Variants in SERPINB10 observed in about 807,000 individuals in gnomAD.
SERPINB10 encodes serpin family B member 10, also known as serpin B10.
A neutral mutation model predicts 39.1 loss-of-function variants in SERPINB10; 35 were observed. The observed-to-expected ratio is 0.90, with a 90% confidence interval of 0.68 to 1.19. The LOEUF (loss-of-function observed/expected upper bound fraction) is 1.19, where lower values mean the gene tolerates loss of function less well. Among genes scored for constraint, SERPINB10 ranks in the 50% most tolerant of loss-of-function variants. SERPINB10 has a pLI of 0.00. For synonymous variants in SERPINB10, 190 were observed against 158.1 expected (o/e 1.20, Z -1.52); for missense variants, 546 against 460.5 (o/e 1.19, Z -1.70).
At chr18:63,923,604 G>A (rs539415369) in intron 5 of SERPINB10, among the ~76,000 whole-genome samples, 36 of 151,712 alleles carry the variant, frequency 2.4e-4, no homozygotes, top group Middle Eastern at 3.4e-3. Flanking sequence ...TTCTAGGCAG[G>A]GGTCTTTTTA....
intron 1 of SERPINB10, among the ~76,000 whole-genome samples, chr18:63,911,957 G>GT (rs35542526): frequency 0.11 from 16,812 of 150,638 alleles, 2,179 homozygotes; most frequent in African/African-American, 0.3. Context: ...TTTTAGCAGT[G>GT]TTTTTTTTTA....
At position 63,933,206 on chromosome 18, in the gene SERPINB10, A is replaced by G; in HGVS notation, c.789+3A>G. The G allele has an allele frequency of 6.2e-7, 1 of 1,613,892 alleles. No individual in the cohort carries two copies. The highest frequency in any genetic ancestry group is 1.1e-5 in the South Asian group (1 of 91,060). On this transcript the variant is annotated splice_donor_region_variant and intron_variant, in intron 7 of 7. Coordinates refer to ENST00000238508, the MANE Select transcript of SERPINB10 (RefSeq NM_005024.3). ...AAGACATTAATGGGCTGGAACAGGTAAATAACATCAGTGTGTCTGATGTGA... is the reference window on the plus strand; with the variant it reads ...AAGACATTAATGGGCTGGAACAGGTGAATAACATCAGTGTGTCTGATGTGA...
chr18:63,933,148 G>A lies in SERPINB10; in HGVS notation c.734G>A (p.Ser245Asn). ...KAVGLQLYYK[S>N]RDLSLLILLP... is the part of the protein sequence containing the mutation. ...GTGGGCCTTCAACTCTACTACAAAA[G>A]CCGTGACCTCAGCCTGCTTATACTA... is the stretch of plus-strand genomic sequence containing the variant. The change falls in exon 7 of 8, where the codon AGC becomes AAC. Residue 245 changes from serine to asparagine, a missense_variant. Ser to Asn is a conservative substitution (Grantham distance 46, BLOSUM62 1). Coordinates refer to ENST00000238508, the MANE Select transcript of SERPINB10 (RefSeq NM_005024.3). 4 of 1,613,964 alleles carry A rather than the reference G, an allele frequency of 2.5e-6. No individual in the cohort carries two copies. Among genetic ancestry groups the A allele is most frequent in the Non-Finnish European group, 3.4e-6 (4 of 1,179,924 alleles).
chr18:63,919,151 T>C (rs8085490), intron 4 of SERPINB10, among the ~76,000 whole-genome samples: 56,261 of 151,374 alleles, frequency 0.37, 13,942 homozygotes, highest in African/African-American at 0.7. Flanking sequence ...GGCAGATGCC[T>C]CCATAACAGC....
At chr18:63,925,175 G>C (rs1410882595) in intron 5 of SERPINB10, among the ~76,000 whole-genome samples, 1 of 151,986 alleles carries the variant, frequency 6.6e-6, no homozygotes, top group Non-Finnish European at 1.5e-5. Context: ...TATTAGATTG[G>C]AAGTGAAAGT....
intron 5 of SERPINB10, among the ~76,000 whole-genome samples, chr18:63,923,080 G>A (rs751882262): frequency 2.0e-5 from 3 of 151,806 alleles, no homozygotes; most frequent in South Asian, 2.1e-4. Flanking sequence ...CATACCACTG[G>A]TCAAATGAGA....
Position 63,934,792 on chromosome 18 carries a change from C to T in SERPINB10, c.790-46C>T, listed in dbSNP as rs113511159. The T allele has an allele frequency of 1.2e-4, 192 of 1,543,110 alleles. No homozygotes were observed. The African/African-American group carries it at 2.5e-3, about 20-fold the overall frequency. On this transcript the variant is annotated intron_variant, in intron 7 of 7. Coordinates refer to ENST00000238508, the MANE Select transcript of SERPINB10 (RefSeq NM_005024.3). ...CTCTCTCTACTACTGTTTTTCATTC[C>T]ACTTTGGAATTACTGATTCTTTCTT...
In SERPINB10 at chr18:63,935,212, T is replaced by C. The variant is rs758570663; in HGVS notation, c.1164T>C (p.Ile388=). Residue 388 remains isoleucine, a synonymous_variant, in exon 8 of 8, where the codon ATT becomes ATC. Coordinates refer to ENST00000238508, the MANE Select transcript of SERPINB10 (RefSeq NM_005024.3). ...FFIRHNKTNT[I]LFYGRLCSP ...TCAGGCACAATAAAACCAACACCAT[T>C]CTTTTTTATGGAAGATTATGCTCCC... 2 of 1,600,694 alleles carry C rather than the reference T, an allele frequency of 1.2e-6. No homozygotes were observed. The highest frequency in any genetic ancestry group is 2.2e-5 in the South Asian group (2 of 89,750).
Position 63,925,688 on chromosome 18 carries a change from C to T in SERPINB10, c.491-4357C>T, listed in dbSNP as rs72941744. 4.3e-3 allele frequency among the ~76,000 whole-genome samples: 653 copies of T among 152,064 alleles called. 3 individuals are homozygous for T. The highest frequency in any genetic ancestry group is 5.7e-3 in the Non-Finnish European group (387 of 67,928). The stretch of plus-strand genomic sequence containing the variant: ...AAATGAAGAAGGGAAGGCTCTTTCT[C>T]ACAGTAGAATTCTAGTTAATGAATA... On this transcript the variant is annotated intron_variant, in intron 5 of 7. Coordinates refer to ENST00000238508, the MANE Select transcript of SERPINB10 (RefSeq NM_005024.3).
At chr18:63,917,098 A>G (rs1424100351) in intron 2 of SERPINB10, among the ~76,000 whole-genome samples, 1 of 152,024 alleles carries the variant, frequency 6.6e-6, no homozygotes, top group Non-Finnish European at 1.5e-5. Flanking sequence ...GCTTTTACCT[A>G]AACTGTCTAA....
chr18:63,936,021 T>C lies in SERPINB10; in HGVS notation c.*779T>C, dbSNP rs2050261053. The C allele has an allele frequency of 6.6e-6, 1 of 152,266 alleles. No individual in the cohort carries two copies. The highest frequency in any genetic ancestry group is 2.1e-4 in the South Asian group (1 of 4,836). The allele number at this position is 152,266 out of a possible 1,614,324, so 9.4% of individuals were successfully genotyped here. ...GTAAGATGTTATCACTTGGGGAAAC[T>C]GTACTGGAGTATATGAGAATTAGCT... On this transcript the variant is annotated 3_prime_UTR_variant, in exon 8 of 8. Coordinates refer to ENST00000238508, the MANE Select transcript of SERPINB10 (RefSeq NM_005024.3).
intron 6 of SERPINB10, 72 bp downstream of exon 6, chr18:63,930,259 CTT>C: frequency 6.6e-7 from 1 of 1,508,790 alleles, no homozygotes; most frequent in Non-Finnish European, 9.1e-7. Flanking sequence ...TAAATTCACT[CTT>C]CTTTTAGATT....
intron 4 of SERPINB10, 142 bp from the exon 5 acceptor site, chr18:63,919,646 G>A (rs1599081315): frequency 3.7e-6 from 2 of 543,750 alleles, no homozygotes; most frequent in East Asian, 7.0e-5. Flanking sequence ...ACCAAAACTG[G>A]GAGTCAGGAA....
In SERPINB10 at chr18:63,917,989, G is replaced by T. The variant is rs755727496; in HGVS notation, c.259G>T (p.Glu87Ter). The T allele has an allele frequency of 1.2e-6, 2 of 1,611,940 alleles. No individual in the cohort carries two copies. Among genetic ancestry groups the T allele is most frequent in the African/African-American group, 1.3e-5 (1 of 74,790 alleles). The change falls in exon 4 of 8, where the codon GAA (glutamate) becomes TAA (stop). Residue 87 changes from glutamate to a stop codon, truncating the protein, a stop_gained. Transcript: ENST00000238508. LOFTEE classifies it high-confidence loss of function. ...GGAATTCAACTTGAGCAACTCGGAA[G>T]AAATACACTCTGATTTCCAAACACT... The part of the protein sequence containing the change: ...KMEFNLSNSE[E>*]IHSDFQTLIS...
intron 3 of SERPINB10, among the ~76,000 whole-genome samples, 169 bp downstream of exon 3, chr18:63,917,690 ATCTCTTGTCC>A (rs756248616): frequency 2.0e-5 from 3 of 152,030 alleles, no homozygotes; most frequent in Non-Finnish European, 2.9e-5. Context: ...CTTTTGAAAG[ATCTCTTGTCC>A]CCACGCCCTT....
At chr18:63,919,625 T>A (rs2050131545) in intron 4 of SERPINB10, among the ~76,000 whole-genome samples, 163 bp from the exon 5 acceptor site, 1 of 151,902 alleles carries the variant, frequency 6.6e-6, no homozygotes. Context: ...GAGTGAGGTG[T>A]TTAGTTTTTG....
chr18:63,930,201 A>G lies in SERPINB10; in HGVS notation c.633+14A>G. ...AGAATAAACGAGGTAGGAAATTTTTAAAGATCAGTTTGGATTTTCACATGG... is the reference window on the plus strand; with the variant it reads ...AGAATAAACGAGGTAGGAAATTTTTGAAGATCAGTTTGGATTTTCACATGG... On this transcript the variant is annotated intron_variant, in intron 6 of 7. Transcript: ENST00000238508. 1 of 1,611,380 alleles carries G rather than the reference A, an allele frequency of 6.2e-7. No homozygotes were observed. Among genetic ancestry groups the G allele is most frequent in the Non-Finnish European group, 8.5e-7 (1 of 1,178,942 alleles).
chr18:63,921,132 C>T (rs2050144037), intron 5 of SERPINB10, among the ~76,000 whole-genome samples: 1 of 151,824 alleles, frequency 6.6e-6, no homozygotes, highest in Admixed American at 6.6e-5. Flanking sequence ...AATACAAAGG[C>T]ATCATCATTA....
At position 63,935,292 on chromosome 18, in the gene SERPINB10, T is replaced by A. The variant is rs754326314; in HGVS notation, c.*50T>A. 6 of 1,491,802 alleles carry A rather than the reference T, an allele frequency of 4.0e-6. No individual in the cohort carries two copies. The South Asian group carries it at 6.8e-5, about 17-fold the overall frequency. The allele number at this position is 1,491,802 out of a possible 1,614,324, so 92.4% of individuals were successfully genotyped here. A position where few individuals can be genotyped will look rare whatever the true frequency, so the allele number is the denominator to read the frequency against. ...AGACCATCTTACAGTGTGAAAAATG[T>A]ACCATGAGATGGAAAAGCACAATTT... is the stretch of plus-strand genomic sequence containing the variant. On this transcript the variant is annotated 3_prime_UTR_variant, in exon 8 of 8. Transcript: ENST00000238508.
Sources: allele counts gnomAD v4.1 joint callset (sites outside exome capture counted in the v4.1 genomes callset), GRCh38; gene constraint gnomAD v4.1.1; transcripts MANE v1.5; gene names NCBI Gene and HGNC (gene_info 2026-07-23, HGNC 2026-07-21).